QTGAL: variants seen among roughly 807,000 people sequenced by gnomAD.
The protein encoded by QTGAL is queuosine-tRNA galactosyltransferase, also known as BGnT-like protein 1.
At chr17:83,038,775 C>T in the QTGAL span, among the ~76,000 whole-genome samples, 78 of 152,104 alleles carry the variant, frequency 5.1e-4, no homozygotes, top group East Asian at 3.9e-3. Flanking sequence ...AGGAGAATGG[C>T]GAGAACCTGG....
the QTGAL span, among the ~76,000 whole-genome samples, chr17:83,050,864 G>A: frequency 2.0e-5 from 3 of 151,460 alleles, no homozygotes; most frequent in African/African-American, 7.3e-5. Flanking sequence ...GCAGGTGCAC[G>A]GGCAGGTATG....
chr17:82,981,783 A>G, the QTGAL span: 4 of 152,256 alleles, frequency 2.6e-5, no homozygotes, highest in African/African-American at 4.8e-5. Context: ...CTGAGAGCCT[A>G]CTGTTGACCG....
the QTGAL span, chr17:82,965,579 G>A: frequency 2.1e-6 from 3 of 1,419,896 alleles, no homozygotes; most frequent in African/African-American, 2.9e-5. Flanking sequence ...GGTGGCCAGT[G>A]TGCAGAGCCC....
the QTGAL span, chr17:82,942,253 C>T: frequency 1.5e-6 from 1 of 667,424 alleles, no homozygotes; most frequent in Non-Finnish European, 2.5e-6. Context: ...ATGGGGTGCC[C>T]TTCCGAGGAC....
the QTGAL span, among the ~76,000 whole-genome samples, chr17:82,989,079 T>C: frequency 6.6e-6 from 1 of 152,168 alleles, no homozygotes; most frequent in Admixed American, 6.5e-5. Flanking sequence ...CCATTCACAA[T>C]AGCAAAGACA....
the QTGAL span, among the ~76,000 whole-genome samples, chr17:83,038,490 A>C: frequency 6.6e-6 from 1 of 152,246 alleles, no homozygotes; most frequent in Admixed American, 6.5e-5. Context: ...GTGTCACAAC[A>C]GTCACCAAAA....
the QTGAL span, among the ~76,000 whole-genome samples, chr17:83,031,469 C>T: frequency 2.0e-5 from 3 of 152,140 alleles, no homozygotes; most frequent in Admixed American, 6.5e-5. Flanking sequence ...GTAAACTCAG[C>T]GACGGCTGCC....
the QTGAL span, among the ~76,000 whole-genome samples, chr17:83,016,292 G>A: frequency 2.0e-5 from 3 of 152,124 alleles, no homozygotes; most frequent in Admixed American, 2.0e-4. Flanking sequence ...TAAGTTGAAC[G>A]CTAAGATGAA....
At chr17:83,002,420 T>A in the QTGAL span, among the ~76,000 whole-genome samples, 1 of 152,224 alleles carries the variant, frequency 6.6e-6, no homozygotes, top group Non-Finnish European at 1.5e-5. Context: ...AGCCACAGTC[T>A]GCCTGAGTTC....
At chr17:83,048,499 C>T in the QTGAL span, 79 of 1,613,428 alleles carry the variant, frequency 4.9e-5, no homozygotes, top group East Asian at 1.7e-3. Context: ...AATCGTGCCC[C>T]CCAATGATCA....
the QTGAL span, among the ~76,000 whole-genome samples, chr17:82,954,476 C>G: frequency 6.6e-6 from 1 of 151,640 alleles, no homozygotes; most frequent in South Asian, 2.1e-4. Flanking sequence ...AACCACTGCT[C>G]AGGGAAGTAG....
At chr17:82,959,494 G>A in the QTGAL span, among the ~76,000 whole-genome samples, 1 of 151,996 alleles carries the variant, frequency 6.6e-6, no homozygotes, top group Admixed American at 6.5e-5. Context: ...ACCTGGGTGA[G>A]GACAGCTCCT....
chr17:83,049,373 C>G, the QTGAL span, among the ~76,000 whole-genome samples: 6 of 151,344 alleles, frequency 4.0e-5, no homozygotes, highest in Non-Finnish European at 7.4e-5. Flanking sequence ...AAACAAGTAT[C>G]TGGGTATCTT....
At chr17:82,996,741 A>C in the QTGAL span, among the ~76,000 whole-genome samples, 1 of 152,186 alleles carries the variant, frequency 6.6e-6, no homozygotes. Flanking sequence ...AGATAAATCA[A>C]TATATCTACA....
chr17:83,049,411 G>T, the QTGAL span, among the ~76,000 whole-genome samples: 2 of 147,224 alleles, frequency 1.4e-5, no homozygotes, highest in Admixed American at 1.4e-4. Flanking sequence ...ATAACTGGTT[G>T]GTTTTTTTTT....
chr17:83,035,096 C>A, the QTGAL span: 1 of 1,611,510 alleles, frequency 6.2e-7, no homozygotes, highest in Non-Finnish European at 8.5e-7. Flanking sequence ...TTTAGCGTAT[C>A]CGACTGTGGA....
the QTGAL span, among the ~76,000 whole-genome samples, chr17:83,030,055 C>T: frequency 3.9e-5 from 6 of 152,244 alleles, no homozygotes; most frequent in Admixed American, 2.0e-4. Flanking sequence ...ACAAGTAAAA[C>T]GGGCCACGCG....
At chr17:82,999,978 T>A in the QTGAL span, among the ~76,000 whole-genome samples, 5 of 152,156 alleles carry the variant, frequency 3.3e-5, no homozygotes, top group South Asian at 1.0e-3. Context: ...GTTTTGTTTT[T>A]TTGAGATGGA....
At chr17:83,005,458 C>T in the QTGAL span, 16 of 632,758 alleles carry the variant, frequency 2.5e-5, no homozygotes, top group Admixed American at 6.8e-5. This position sits in a 1 kb window ranked among gnomAD's most constrained non-coding sequence, Gnocchi z 5.6. Flanking sequence ...CGCATCTCGG[C>T]GGTGAACCAC....
Sources: allele counts gnomAD v4.1 joint callset (sites outside exome capture counted in the v4.1 genomes callset), GRCh38; gene constraint gnomAD v4.1.1; non-coding constraint Gnocchi (gnomAD v3.1); transcripts MANE v1.5; gene names NCBI Gene and HGNC (gene_info 2026-07-23, HGNC 2026-07-21).